RNF180: variants seen among roughly 807,000 people sequenced by gnomAD.
RNF180 encodes E3 ubiquitin-protein ligase RNF180.
A neutral mutation model predicts 59.2 loss-of-function variants in RNF180; 38 were observed. That is an observed-to-expected ratio of 0.64 (90% confidence interval 0.50 to 0.84). RNF180 has a LOEUF of 0.84. Among genes scored for constraint, RNF180 ranks in the 40% least tolerant of loss-of-function variants. RNF180 has a pLI of 0.00. For missense variants in RNF180, 705 were observed against 700.9 expected (o/e 1.01, Z -0.07); for synonymous variants, 262 against 240.3 (o/e 1.09, Z -0.84).
chr5:64,294,060 G>A (rs1293532392), intron 5 of RNF180, among the ~76,000 whole-genome samples: 1 of 152,156 alleles, frequency 6.6e-6, no homozygotes, highest in Non-Finnish European at 1.5e-5. Flanking sequence ...GAATCAAGTA[G>A]AACGATCTCC....
At chr5:64,313,728 A>G (rs1743897391) in intron 5 of RNF180, among the ~76,000 whole-genome samples, 1 of 152,194 alleles carries the variant, frequency 6.6e-6, no homozygotes, top group Admixed American at 6.5e-5. Flanking sequence ...AGAAGTCACC[A>G]AACTGCTTTC....
chr5:64,191,942 T>G lies in RNF180; in HGVS notation c.1-8866T>G, dbSNP rs113223808. Among the ~76,000 whole-genome samples, 4 of 152,330 alleles carry G rather than the reference T, an allele frequency of 2.6e-5. 1 individual carries two copies. The highest frequency in any genetic ancestry group is 9.6e-5 in the African/African-American group (4 of 41,572). On this transcript the variant is annotated intron_variant, in intron 1 of 7. Transcript: ENST00000389100. ...GTTCAGATATTACTGTTTAAGTGTT[T>G]AATTCATTTCGAGTTGATTTTTGCA...
intron 7 of RNF180, among the ~76,000 whole-genome samples, chr5:64,338,452 G>A (rs113649648): frequency 6.6e-6 from 1 of 152,142 alleles, no homozygotes; most frequent in South Asian, 2.1e-4. Flanking sequence ...GGCTAACACG[G>A]TGAAACCCCG....
At chr5:64,333,320 G>A (rs1462754829) in intron 7 of RNF180, among the ~76,000 whole-genome samples, 1 of 152,134 alleles carries the variant, frequency 6.6e-6, no homozygotes, top group Non-Finnish European at 1.5e-5. Context: ...TGGGATTACA[G>A]GTGCGTGCTA....
chr5:64,198,508 A>G (rs1404652970), intron 1 of RNF180, among the ~76,000 whole-genome samples: 1 of 152,234 alleles, frequency 6.6e-6, no homozygotes, highest in East Asian at 1.9e-4. Context: ...AAGACTTAAA[A>G]CAATCTCCTA....
intron 7 of RNF180, among the ~76,000 whole-genome samples, chr5:64,336,962 A>G (rs1745148810): frequency 1.3e-5 from 2 of 149,862 alleles, no homozygotes; most frequent in African/African-American, 4.9e-5. Context: ...CCCTATTCCC[A>G]GACCACAGAG....
At chr5:64,351,243 G>T (rs971022931) in intron 7 of RNF180, among the ~76,000 whole-genome samples, 12 of 152,124 alleles carry the variant, frequency 7.9e-5, no homozygotes, top group Non-Finnish European at 1.6e-4. Flanking sequence ...TGTGATTTTT[G>T]TACGTTGATT....
intron 7 of RNF180, among the ~76,000 whole-genome samples, chr5:64,334,594 T>C (rs1310502096): frequency 1.3e-5 from 2 of 152,232 alleles, no homozygotes; most frequent in African/African-American, 4.8e-5. Flanking sequence ...ATTTATCATT[T>C]CTTTGTATAA....
At chr5:64,295,689 A>G (rs1742851201) in intron 5 of RNF180, among the ~76,000 whole-genome samples, 1 of 152,176 alleles carries the variant, frequency 6.6e-6, no homozygotes, top group Non-Finnish European at 1.5e-5. Flanking sequence ...ACCCCAGGTA[A>G]TGCATCCTAT....
intron 1 of RNF180, among the ~76,000 whole-genome samples, chr5:64,171,646 A>G (rs950179858): frequency 2.0e-5 from 3 of 152,162 alleles, no homozygotes; most frequent in Non-Finnish European, 2.9e-5. Context: ...TCCCACCACA[A>G]CTTTTTGATC....
At chr5:64,361,834 A>G (rs1216441890) in intron 7 of RNF180, among the ~76,000 whole-genome samples, 2 of 151,402 alleles carry the variant, frequency 1.3e-5, no homozygotes, top group Non-Finnish European at 3.0e-5. Context: ...TAAAATATAT[A>G]CATTGACTAT....
chr5:64,351,966 A>G (rs1203436126), intron 7 of RNF180, among the ~76,000 whole-genome samples: 2 of 152,142 alleles, frequency 1.3e-5, no homozygotes, highest in Non-Finnish European at 2.9e-5. Flanking sequence ...GAATAGTTTC[A>G]GAAGGAATGG....
Position 64,370,162 on chromosome 5 carries a change from A to T in RNF180, c.*348A>T, listed in dbSNP as rs556202219. On this transcript the variant is annotated 3_prime_UTR_variant, in exon 8 of 8. Transcript: ENST00000389100. ...ACTTAAAAATAGTAAAAATACAAAA[A>T]GAAATGATAATCTAGGTAGATATTA... 6.3e-6 allele frequency: 1 copy of T among 157,836 alleles called. No individual in the cohort carries two copies. Among genetic ancestry groups the T allele is most frequent in the East Asian group, 1.9e-4 (1 of 5,376 alleles). The allele number at this position is 157,836 out of a possible 1,614,324, so 9.8% of individuals were successfully genotyped here.
intron 5 of RNF180, among the ~76,000 whole-genome samples, chr5:64,247,293 T>C (rs1580103382): frequency 6.6e-6 from 1 of 151,756 alleles, no homozygotes; most frequent in Non-Finnish European, 1.5e-5. Context: ...AAATAAAGAG[T>C]GTTCAGATAG....
intron 5 of RNF180, among the ~76,000 whole-genome samples, chr5:64,299,914 C>T (rs1420895681): frequency 6.6e-6 from 1 of 151,778 alleles, no homozygotes; most frequent in Non-Finnish European, 1.5e-5. Flanking sequence ...AAACCTTGTG[C>T]AGTCCCCCTA....
intron 2 of RNF180, among the ~76,000 whole-genome samples, chr5:64,202,141 C>G (rs1363027017): frequency 6.6e-6 from 1 of 152,154 alleles, no homozygotes; most frequent in Non-Finnish European, 1.5e-5. Flanking sequence ...TGCATCACCC[C>G]AGGAATTTTT....
intron 5 of RNF180, among the ~76,000 whole-genome samples, chr5:64,276,888 G>C (rs1741748167): frequency 6.6e-6 from 1 of 151,880 alleles, no homozygotes; most frequent in African/African-American, 2.4e-5. Flanking sequence ...CCTGGTTCAG[G>C]CCCTTGATAT....
At chr5:64,329,382 C>T (rs867846541) in intron 6 of RNF180, among the ~76,000 whole-genome samples, 4 of 151,866 alleles carry the variant, frequency 2.6e-5, no homozygotes, top group South Asian at 2.1e-4. Flanking sequence ...AGGAATTAAG[C>T]GGAGGATGGT....
At chr5:64,268,283 A>G (rs1744803753) in intron 5 of RNF180, among the ~76,000 whole-genome samples, 1 of 152,174 alleles carries the variant, frequency 6.6e-6, no homozygotes, top group Non-Finnish European at 1.5e-5. Flanking sequence ...GCTGAATTAT[A>G]GTAACTACAT....
Sources: gnomAD v4.1 joint callset for allele counts (sites outside exome capture counted in the v4.1 genomes callset) on GRCh38, gnomAD v4.1.1 for gene constraint, MANE v1.5 for transcripts, NCBI Gene and HGNC (gene_info 2026-07-23, HGNC 2026-07-21) for gene names.